SFMBT2: variants seen among roughly 807,000 people sequenced by gnomAD.
SFMBT2 encodes scm-like with four MBT domains protein 2.
A neutral mutation model predicts 110.1 loss-of-function variants in SFMBT2; 38 were observed. The ratio of observed to expected loss-of-function variants is 0.35; its 90% CI spans 0.27 to 0.45. SFMBT2 has a LOEUF of 0.45. Among genes scored for constraint, SFMBT2 ranks in the 20% least tolerant of loss-of-function variants. The probability of loss-of-function intolerance (pLI) is 1.00; values close to 1 mark genes in which losing one functional copy is unlikely to be tolerated. For missense variants in SFMBT2, 1,011 were observed against 1,094.9 expected, an observed-to-expected ratio of 0.92 and a Z score of 1.08; for synonymous variants, 425 against 425.4, an observed-to-expected ratio of 1.00 and a Z score of 0.01.
intron 20 of SFMBT2, among the ~76,000 whole-genome samples, chr10:7,168,097 C>G (rs1384243734): frequency 6.6e-6 from 1 of 151,688 alleles, no homozygotes; most frequent in African/African-American, 2.4e-5. Flanking sequence ...CTTGATTCTA[C>G]AAGGGGGACA....
Position 7,248,653 on chromosome 10 carries a change from C to A in SFMBT2, c.871-4G>T, listed in dbSNP as rs1162287493. The A allele has an allele frequency of 6.2e-7, 1 of 1,613,694 alleles. No homozygotes were observed. The highest frequency in any genetic ancestry group is 8.5e-7 in the Non-Finnish European group (1 of 1,179,660). ...GGCTTCGCAAATCTGCGTGATCCTGCAGGGAGAAAGATGAAAATATTGAAA... is the reference window on the plus strand; with the variant it reads ...GGCTTCGCAAATCTGCGTGATCCTGAAGGGAGAAAGATGAAAATATTGAAA... On this transcript the variant is annotated splice_region_variant and splice_polypyrimidine_tract_variant and intron_variant, in intron 7 of 20. Coordinates refer to ENST00000397167, the MANE Select transcript of SFMBT2 (RefSeq NM_001387889.1).
intron 4 of SFMBT2, among the ~76,000 whole-genome samples, chr10:7,300,764 A>G (rs1242529603): frequency 6.6e-6 from 1 of 152,250 alleles, no homozygotes; most frequent in Non-Finnish European, 1.5e-5. Flanking sequence ...GCACAAATGT[A>G]TTTTTAAGAA....
chr10:7,176,467 T>C (rs1838057986), intron 16 of SFMBT2: 4 of 984,940 alleles, frequency 4.1e-6, no homozygotes, highest in African/African-American at 1.7e-5. Context: ...GCGGGATACA[T>C]ACCTGATGGG....
intron 4 of SFMBT2, among the ~76,000 whole-genome samples, chr10:7,325,007 G>A (rs1486253371): frequency 1.7e-5 from 2 of 114,754 alleles, no homozygotes; most frequent in African/African-American, 3.5e-5. Flanking sequence ...TCGCTCTGTT[G>A]CCCAGGCTGG....
At chr10:7,271,353 C>T (rs2131808576) in intron 7 of SFMBT2, among the ~76,000 whole-genome samples, 1 of 150,218 alleles carries the variant, frequency 6.7e-6, no homozygotes, top group Middle Eastern at 3.5e-3. Context: ...TGAATTCACG[C>T]ATTTATTGGA....
At chr10:7,204,309 GCAA>G in intron 12 of SFMBT2, 1 of 980,956 alleles carries the variant, frequency 1.0e-6, no homozygotes, top group Non-Finnish European at 1.2e-6. Flanking sequence ...AGTCAGCTAT[GCAA>G]TGGAACTGTG....
At chr10:7,260,005 G>C (rs1841144493) in intron 7 of SFMBT2, among the ~76,000 whole-genome samples, 1 of 152,210 alleles carries the variant, frequency 6.6e-6, no homozygotes, top group Non-Finnish European at 1.5e-5. Context: ...TGTTATGAAT[G>C]ACAGCAATAA....
intron 7 of SFMBT2, among the ~76,000 whole-genome samples, chr10:7,272,191 C>T (rs1048251549): frequency 3.3e-5 from 5 of 152,162 alleles, no homozygotes; most frequent in African/African-American, 4.8e-5. Context: ...AACAGCAGTG[C>T]CAGGTTAAAA....
At position 7,163,157 on chromosome 10, in the gene SFMBT2, G is replaced by A. The variant is rs1837595615; in HGVS notation, c.*613C>T. The A allele has an allele frequency of 7.8e-6, 1 of 128,278 alleles. No individual in the cohort carries two copies. The highest frequency in any genetic ancestry group is 2.9e-5 in the African/African-American group (1 of 34,320). 7.9% of individuals were successfully genotyped at this position (128,278 alleles called of 1,614,324 possible). A position where few individuals can be genotyped will look rare whatever the true frequency, so the allele number is the denominator to read the frequency against. On this transcript the variant is annotated 3_prime_UTR_variant, in exon 21 of 21. Coordinates refer to ENST00000397167, the MANE Select transcript of SFMBT2 (RefSeq NM_001387889.1). This position sits in a 1 kb window ranked among gnomAD's most constrained non-coding sequence, Gnocchi z 4.8. ...AACAAACAAACAAACAAACCATCTA[G>A]TTGCATGGAGATGCCTGCCGGCCTT... is the stretch of plus-strand genomic sequence containing the variant.
rs374629957 is a variant in SFMBT2, at chr10:7,276,349, A to G, written c.870+543T>C. ...GAAGTGAGGGGGTGAAAATATTTCC[A>G]TAACAATATGCTACAAAGAAAGTCA... On this transcript the variant is annotated intron_variant, in intron 7 of 20. Coordinates refer to ENST00000397167, the MANE Select transcript of SFMBT2 (RefSeq NM_001387889.1). Among the ~76,000 whole-genome samples, 6 of 152,344 alleles carry G rather than the reference A, an allele frequency of 3.9e-5. No individual in the cohort carries two copies. In the East Asian group the frequency reaches 9.6e-4, roughly 24 times the overall value.
At chr10:7,266,239 A>G (rs1335561605) in intron 7 of SFMBT2, among the ~76,000 whole-genome samples, 3 of 152,066 alleles carry the variant, frequency 2.0e-5, no homozygotes, top group African/African-American at 7.2e-5. Flanking sequence ...ATAGGCAAGC[A>G]CCACCATGCC....
intron 1 of SFMBT2, among the ~76,000 whole-genome samples, chr10:7,394,329 T>G (rs1170310233): frequency 6.6e-6 from 1 of 151,976 alleles, no homozygotes; most frequent in African/African-American, 2.4e-5. Context: ...TGCCCACCCC[T>G]AAAAATCAAA....
intron 9 of SFMBT2, among the ~76,000 whole-genome samples, chr10:7,233,933 T>G (rs1840181650): frequency 6.6e-6 from 1 of 152,228 alleles, no homozygotes; most frequent in African/African-American, 2.4e-5. Flanking sequence ...GAAAACAACT[T>G]TCTCAACATT....
chr10:7,159,364 T>C lies in SFMBT2; in HGVS notation c.*4406A>G, dbSNP rs981140660. On this transcript the variant is annotated 3_prime_UTR_variant, in exon 21 of 21. Transcript: ENST00000397167. ...AGCACAATTTGATTTTATCATAGTATGTTTGGGGTATCTGCAAACCATTCT... is the reference window on the plus strand; with the variant it reads ...AGCACAATTTGATTTTATCATAGTACGTTTGGGGTATCTGCAAACCATTCT... 1.3e-5 allele frequency: 2 copies of C among 152,244 alleles called. No individual in the cohort carries two copies. Among genetic ancestry groups the C allele is most frequent in the Non-Finnish European group, 2.9e-5 (2 of 68,038 alleles). 9.4% of individuals were successfully genotyped at this position (152,244 alleles called of 1,614,324 possible).
chr10:7,163,974 C>G lies in SFMBT2; in HGVS notation c.2545-64G>C, dbSNP rs753558887. The G allele has an allele frequency of 9.5e-5, 146 of 1,533,254 alleles. No homozygotes were observed. The highest frequency in any genetic ancestry group is 1.1e-4 in the Non-Finnish European group (127 of 1,139,158). The allele number at this position is 1,533,254 out of a possible 1,614,324, so 95.0% of individuals were successfully genotyped here. ...TGCACTGGGGTACACAGATGCGTCA[C>G]AGCAGGCTCCAGTCCGGGGCCAAAC... On this transcript the variant is annotated intron_variant, in intron 20 of 20. Transcript: ENST00000397167. This position sits in a 1 kb window ranked among gnomAD's most constrained non-coding sequence, Gnocchi z 4.8.
chr10:7,265,188 C>T (rs1311863790), intron 7 of SFMBT2, among the ~76,000 whole-genome samples: 2 of 150,098 alleles, frequency 1.3e-5, no homozygotes, highest in Non-Finnish European at 1.5e-5. Context: ...CCCCTGCCTC[C>T]CTCTCTTCCT....
rs1564466131 is a variant in SFMBT2, at chr10:7,377,961, GGGGGGGGGTTGTGTGTGT to G, written c.100+3820_100+3837del. ...TGTCTGTACCCCCAAAATTTTGTGT[GGGGGGGGGTTGTGTGTGT>G]GGGGGGGAGGTGGGTGTGAATGTGG... On this transcript the variant is annotated intron_variant, in intron 2 of 20. Transcript: ENST00000397167. Among the ~76,000 whole-genome samples, 73 of 67,348 alleles carry G rather than the reference GGGGGGGGGTTGTGTGTGT, an allele frequency of 1.1e-3. No individual in the cohort carries two copies. The East Asian group carries it at 0.035, about 32-fold the overall frequency. The allele number at this position is 67,348 out of a possible 152,430, so 44.2% of individuals were successfully genotyped here.
chr10:7,331,297 T>C (rs1251811315), intron 4 of SFMBT2, among the ~76,000 whole-genome samples: 1 of 152,168 alleles, frequency 6.6e-6, no homozygotes, highest in Non-Finnish European at 1.5e-5. Flanking sequence ...AGTCTGTTGA[T>C]GGGTAATTTT....
intron 4 of SFMBT2, among the ~76,000 whole-genome samples, chr10:7,328,299 C>G (rs1480717694): frequency 1.3e-5 from 2 of 152,128 alleles, no homozygotes; most frequent in Non-Finnish European, 2.9e-5. Context: ...AGTCTTTTCT[C>G]CATTTGTAAT....
Sources: gnomAD v4.1 joint callset for allele counts (sites outside exome capture counted in the v4.1 genomes callset) on GRCh38, gnomAD v4.1.1 for gene constraint, Gnocchi (gnomAD v3.1) non-coding constraint, MANE v1.5 for transcripts, NCBI Gene and HGNC (gene_info 2026-07-23, HGNC 2026-07-21) for gene names.